Variants in PBX1 observed in about 807,000 individuals in gnomAD.
PBX1 encodes PBX homeobox 1, also known as pre-B-cell leukemia transcription factor 1.
PBX1 carries 6 observed loss-of-function variants against 53.4 expected under a neutral mutation model. The ratio of observed to expected loss-of-function variants is 0.11; its 90% CI spans 0.06 to 0.22. PBX1 has a LOEUF of 0.22. Ranked by LOEUF, PBX1 falls within the 10% of genes least tolerant of loss-of-function variation. PBX1 has a pLI of 1.00. For missense variants in PBX1, 251 were observed against 551.4 expected, an observed-to-expected ratio of 0.46 and a Z score of 5.46; for synonymous variants, 204 against 212.3, an observed-to-expected ratio of 0.96 and a Z score of 0.34.
chr1:164,606,883 G>A (rs1656594770), intron 2 of PBX1, among the ~76,000 whole-genome samples: 1 of 152,162 alleles, frequency 6.6e-6, no homozygotes, highest in Admixed American at 6.5e-5. Context: ...AGGAATTTCA[G>A]ACTCTTATAA....
chr1:164,626,714 C>T (rs949587183), intron 2 of PBX1, among the ~76,000 whole-genome samples: 1 of 152,086 alleles, frequency 6.6e-6, no homozygotes, highest in African/African-American at 2.4e-5. Flanking sequence ...GAGAATGCCT[C>T]GTCTATGTAT....
At chr1:164,573,250 C>G (rs2101717574) in intron 2 of PBX1, among the ~76,000 whole-genome samples, 1 of 151,510 alleles carries the variant, frequency 6.6e-6, no homozygotes, top group East Asian at 1.9e-4. Context: ...GTGCTAAGGC[C>G]TTGAAATGGT....
At chr1:164,720,239 C>CTTCTGTATTTTA (rs1664329972) in intron 2 of PBX1, among the ~76,000 whole-genome samples, 1 of 152,032 alleles carries the variant, frequency 6.6e-6, no homozygotes, top group African/African-American at 2.4e-5. Context: ...GTTCTGCATA[C>CTTCTGTATTTTA]TTCTGTATTT....
At chr1:164,737,734 C>T (rs1557976123) in intron 2 of PBX1, among the ~76,000 whole-genome samples, 1 of 152,158 alleles carries the variant, frequency 6.6e-6, no homozygotes, top group East Asian at 1.9e-4. Context: ...CCGCCTTGGC[C>T]TCCCAAAGTG....
intron 2 of PBX1, among the ~76,000 whole-genome samples, chr1:164,577,885 A>G (rs1005292138): frequency 7.2e-5 from 11 of 152,198 alleles, no homozygotes; most frequent in African/African-American, 2.7e-4. Flanking sequence ...GAGAGGACGA[A>G]AGGGTTATTA....
rs190486368 is a variant in PBX1, at chr1:164,776,625, G to A, written c.266-15869G>A. ...AGCATATTCTCCAAATGGATGAATT[G>A]TGCCCCAAGGGGGATTTCTTTTCCT... On this transcript the variant is annotated intron_variant, in intron 2 of 8. Coordinates refer to ENST00000420696, the MANE Select transcript of PBX1 (RefSeq NM_002585.4). 1.8e-3 allele frequency among the ~76,000 whole-genome samples: 280 copies of A among 152,200 alleles called. 2 individuals carry two copies. Among genetic ancestry groups the A allele is most frequent in the African/African-American group, 6.4e-3 (266 of 41,526 alleles).
At chr1:164,583,534 G>T (rs968142410) in intron 2 of PBX1, among the ~76,000 whole-genome samples, 2 of 152,116 alleles carry the variant, frequency 1.3e-5, no homozygotes, top group Non-Finnish European at 1.5e-5. Flanking sequence ...TGGGCAGCTG[G>T]AGTTGTGGCC....
chr1:164,678,092 G>A (rs1661542228), intron 2 of PBX1, among the ~76,000 whole-genome samples: 3 of 152,138 alleles, frequency 2.0e-5, no homozygotes, highest in Admixed American at 2.0e-4. Flanking sequence ...ATTGGTAGTG[G>A]GGAATCATTG....
chr1:164,611,390 A>C (rs923479349), intron 2 of PBX1, among the ~76,000 whole-genome samples: 5 of 152,096 alleles, frequency 3.3e-5, no homozygotes, highest in African/African-American at 1.2e-4. Flanking sequence ...GGCGCCCGCC[A>C]CCACGCCCGG....
At chr1:164,601,583 A>C (rs906142985) in intron 2 of PBX1, among the ~76,000 whole-genome samples, 1 of 152,148 alleles carries the variant, frequency 6.6e-6, no homozygotes, top group Non-Finnish European at 1.5e-5. Flanking sequence ...GAGTACACAG[A>C]CTTTAGCTTA....
intron 2 of PBX1, among the ~76,000 whole-genome samples, chr1:164,790,619 TC>T (rs1190661790): frequency 6.6e-6 from 1 of 152,146 alleles, no homozygotes; most frequent in Non-Finnish European, 1.5e-5. Context: ...TCCTCTTTGC[TC>T]TTTATGGCCA....
intron 2 of PBX1, chr1:164,640,884 G>A (rs1659102041): frequency 6.6e-6 from 1 of 152,178 alleles, no homozygotes; most frequent in Admixed American, 6.5e-5. Flanking sequence ...AGCAAACACA[G>A]GCACAGTATT....
chr1:164,620,378 A>G lies in PBX1; in HGVS notation c.265+57067A>G, dbSNP rs192840219. On this transcript the variant is annotated intron_variant, in intron 2 of 8. Coordinates refer to ENST00000420696, the MANE Select transcript of PBX1 (RefSeq NM_002585.4). Reference sequence around the variant, plus strand: ...AATTCTAGCTAATTCTAATTTTTATATGCATTGAAACATGATAAAATTATG... The same window carrying G: ...AATTCTAGCTAATTCTAATTTTTATGTGCATTGAAACATGATAAAATTATG... Among the ~76,000 whole-genome samples, 47 of 152,304 alleles carry G rather than the reference A, an allele frequency of 3.1e-4. No homozygotes were observed. The Middle Eastern group carries it at 0.01, about 33-fold the overall frequency.
intron 2 of PBX1, among the ~76,000 whole-genome samples, chr1:164,865,829 G>T (rs1218401832): frequency 6.6e-6 from 1 of 152,284 alleles, no homozygotes; most frequent in East Asian, 1.9e-4. Context: ...ATGACAGAAA[G>T]AATTCTTGCC....
chr1:164,839,361 G>A lies in PBX1; in HGVS notation c.1201-7223G>A, dbSNP rs1413030151. 2.6e-5 allele frequency among the ~76,000 whole-genome samples: 4 copies of A among 152,280 alleles called. No individual in the cohort carries two copies. In the East Asian group the frequency reaches 5.8e-4, roughly 22 times the overall value. Reference sequence around the variant, plus strand: ...TGTAGCACAAGTGGGCACTGAATACGTATTTACGTAATTAAAAACTAAGTG... The same window carrying A: ...TGTAGCACAAGTGGGCACTGAATACATATTTACGTAATTAAAAACTAAGTG... On this transcript the variant is annotated intron_variant, in intron 8 of 8. Transcript: ENST00000420696.
chr1:164,846,761 G>A lies in PBX1; in HGVS notation c.*85G>A. On this transcript the variant is annotated 3_prime_UTR_variant, in exon 9 of 9. Coordinates refer to ENST00000420696, the MANE Select transcript of PBX1 (RefSeq NM_002585.4). ...AGGGTTTCTCTCCCAACGCTGAAGC[G>A]GTCAGACTGGAGGTCGAAGCAATCA... is the stretch of plus-strand genomic sequence containing the variant. 5 of 1,608,088 alleles carry A rather than the reference G, an allele frequency of 3.1e-6. No homozygotes were observed. Among genetic ancestry groups the A allele is most frequent in the Middle Eastern group, 1.9e-4 (1 of 5,266 alleles).
intron 2 of PBX1, among the ~76,000 whole-genome samples, chr1:164,661,313 C>T (rs927388488): frequency 1.3e-5 from 2 of 152,112 alleles, no homozygotes; most frequent in Non-Finnish European, 2.9e-5. Context: ...GACATGCCAT[C>T]TGGCATGAGG....
chr1:164,666,801 T>A (rs372292983), intron 2 of PBX1, among the ~76,000 whole-genome samples: 1 of 152,184 alleles, frequency 6.6e-6, no homozygotes, highest in Non-Finnish European at 1.5e-5. Flanking sequence ...AAATAAATAA[T>A]AATTTACTAC....
chr1:164,691,284 G>C (rs1662469863), intron 2 of PBX1, among the ~76,000 whole-genome samples: 1 of 152,064 alleles, frequency 6.6e-6, no homozygotes, highest in Admixed American at 6.5e-5. Flanking sequence ...AAAGTGCTGG[G>C]GTTACAGGCA....
Sources: gnomAD v4.1 joint callset for allele counts (sites outside exome capture counted in the v4.1 genomes callset) on GRCh38, gnomAD v4.1.1 for gene constraint, MANE v1.5 for transcripts, NCBI Gene and HGNC (gene_info 2026-07-23, HGNC 2026-07-21) for gene names.